Variants in ADCY8 observed in about 807,000 individuals in gnomAD.
The protein encoded by ADCY8 is adenylate cyclase 8.
A neutral mutation model predicts 119.7 loss-of-function variants in ADCY8; 51 were observed. The observed-to-expected ratio is 0.43, with a 90% CI of 0.34 to 0.54. The LOEUF (loss-of-function observed/expected upper bound fraction) is 0.54. ADCY8 is among the 20% of genes least tolerant of loss of function. The pLI is 0.03. For missense variants in ADCY8, 1,383 were observed against 1,598.8 expected, an observed-to-expected ratio of 0.87 and a Z score of 2.30; for synonymous variants, 665 against 651.0, an observed-to-expected ratio of 1.02 and a Z score of -0.33.
chr8:131,030,726 TG>T (rs1289144249), intron 1 of ADCY8, among the ~76,000 whole-genome samples: 3 of 152,200 alleles, frequency 2.0e-5, no homozygotes, highest in Non-Finnish European at 4.4e-5. Context: ...AACAAATATT[TG>T]GGGGAAAAGT....
intron 2 of ADCY8, among the ~76,000 whole-genome samples, chr8:130,956,947 A>T (rs1821446644): frequency 6.6e-6 from 1 of 152,186 alleles, no homozygotes; most frequent in African/African-American, 2.4e-5. Context: ...TTTCCTGTAT[A>T]AATTACCCAG....
At chr8:130,973,778 CCT>C (rs1821992647) in intron 2 of ADCY8, among the ~76,000 whole-genome samples, 1 of 152,146 alleles carries the variant, frequency 6.6e-6, no homozygotes, top group Non-Finnish European at 1.5e-5. Flanking sequence ...GCTGTTGTCA[CCT>C]AGCTTACCTC....
chr8:130,804,255 C>T (rs574608359), intron 14 of ADCY8, among the ~76,000 whole-genome samples: 1 of 152,306 alleles, frequency 6.6e-6, no homozygotes, highest in African/African-American at 2.4e-5. Context: ...GGCTGGAAGT[C>T]TAAGTTCAAG....
intron 15 of ADCY8, among the ~76,000 whole-genome samples, chr8:130,796,042 A>G (rs1465369407): frequency 6.6e-6 from 1 of 152,064 alleles, no homozygotes; most frequent in Non-Finnish European, 1.5e-5. Context: ...AACATCTTCA[A>G]TTACTCACCT....
chr8:131,026,496 T>C (rs1034263053), intron 1 of ADCY8, among the ~76,000 whole-genome samples: 3 of 152,074 alleles, frequency 2.0e-5, no homozygotes, highest in Middle Eastern at 3.2e-3. Context: ...CCTGGTGGAG[T>C]AGCAGGGACC....
rs200438809 is a variant in ADCY8, at chr8:130,996,222, T to C, written c.961-5680A>G. Among the ~76,000 whole-genome samples, 3 of 152,160 alleles carry C rather than the reference T, an allele frequency of 2.0e-5. No individual in the cohort carries two copies. In the East Asian group the frequency reaches 5.8e-4, roughly 29 times the overall value. On this transcript the variant is annotated intron_variant, in intron 1 of 17. Transcript: ENST00000286355. ...CTGTTAAAAATGCTATTATTAACTA[T>C]GTTAATAGTTATAATATGTAACTAT...
intron 11 of ADCY8, among the ~76,000 whole-genome samples, chr8:130,840,135 G>A (rs1239259253): frequency 7.2e-6 from 1 of 139,392 alleles, no homozygotes; most frequent in Non-Finnish European, 1.6e-5. Flanking sequence ...TAAAGTATGA[G>A]GAAAAGGCAG....
chr8:130,807,809 C>G (rs1026252999), intron 14 of ADCY8, among the ~76,000 whole-genome samples: 1 of 150,658 alleles, frequency 6.6e-6, no homozygotes, highest in Non-Finnish European at 1.5e-5. Flanking sequence ...ACGGTGAAAC[C>G]CTGTCTCTAC....
At chr8:130,981,075 A>G (rs1056444589) in intron 2 of ADCY8, among the ~76,000 whole-genome samples, 2 of 152,230 alleles carry the variant, frequency 1.3e-5, no homozygotes, top group Non-Finnish European at 2.9e-5. Flanking sequence ...CGTTTCTATG[A>G]AAAATGAGTT....
intron 1 of ADCY8, among the ~76,000 whole-genome samples, chr8:131,007,790 T>C (rs1823169516): frequency 6.6e-6 from 1 of 152,226 alleles, no homozygotes; most frequent in Non-Finnish European, 1.5e-5. Flanking sequence ...AATATGATCA[T>C]GATAGATGAT....
chr8:130,966,092 C>T (rs536826025), intron 2 of ADCY8, among the ~76,000 whole-genome samples: 39 of 152,304 alleles, frequency 2.6e-4, no homozygotes, highest in African/African-American at 9.1e-4. Context: ...CATTAGTAAA[C>T]TGGGATGACT....
At chr8:130,797,803 C>T (rs1275524543) in intron 15 of ADCY8, among the ~76,000 whole-genome samples, 1 of 152,234 alleles carries the variant, frequency 6.6e-6, no homozygotes, top group Non-Finnish European at 1.5e-5. Flanking sequence ...GAAGTGATCA[C>T]GTCTTATCCA....
intron 2 of ADCY8, among the ~76,000 whole-genome samples, chr8:130,959,649 T>C (rs1821539658): frequency 6.6e-6 from 1 of 151,866 alleles, no homozygotes; most frequent in Non-Finnish European, 1.5e-5. Flanking sequence ...GAGTCCAGAG[T>C]GAAAGGATTA....
chr8:130,986,921 A>T (rs889520649), intron 2 of ADCY8, among the ~76,000 whole-genome samples: 2 of 152,208 alleles, frequency 1.3e-5, no homozygotes, highest in African/African-American at 4.8e-5. Context: ...CCTAGTGTCC[A>T]GCATTGCTGT....
chr8:130,980,614 G>A (rs1325090123), intron 2 of ADCY8, among the ~76,000 whole-genome samples: 1 of 152,206 alleles, frequency 6.6e-6, no homozygotes, highest in African/African-American at 2.4e-5. Context: ...AAGTGGTGCT[G>A]TTTGTTCACT....
intron 9 of ADCY8, among the ~76,000 whole-genome samples, chr8:130,863,083 A>G (rs367935816): frequency 1.3e-5 from 2 of 152,194 alleles, no homozygotes; most frequent in African/African-American, 2.4e-5. Context: ...GTCTCCAACT[A>G]TAATAGTGGG....
chr8:130,874,813 T>G (rs1818499889), intron 8 of ADCY8, among the ~76,000 whole-genome samples: 1 of 152,232 alleles, frequency 6.6e-6, no homozygotes, highest in Admixed American at 6.5e-5. Context: ...CCAACATCTT[T>G]CATCCTTGGG....
chr8:130,831,933 G>A (rs947948510), intron 12 of ADCY8, among the ~76,000 whole-genome samples: 3 of 152,180 alleles, frequency 2.0e-5, no homozygotes, highest in Non-Finnish European at 4.4e-5. Flanking sequence ...CCTGTGCTAA[G>A]CTTCTATTAT....
At chr8:130,786,812 G>A (rs917632023) in intron 15 of ADCY8, among the ~76,000 whole-genome samples, 2 of 152,098 alleles carry the variant, frequency 1.3e-5, no homozygotes, top group African/African-American at 4.8e-5. Context: ...CTAATCTGAA[G>A]GATCTAGGAA....
Sources: gnomAD v4.1 joint callset for allele counts (sites outside exome capture counted in the v4.1 genomes callset) on GRCh38, gnomAD v4.1.1 for gene constraint, MANE v1.5 for transcripts, NCBI Gene and HGNC (gene_info 2026-07-23, HGNC 2026-07-21) for gene names.